Variants in UMAD1 observed in about 807,000 individuals in gnomAD.
The protein encoded by UMAD1 is UBAP1-MVB12-associated (UMA)-domain containing protein 1.
In UMAD1, 8 loss-of-function variants were observed where a neutral mutation model predicts 6.1. The ratio of observed to expected loss-of-function variants is 1.30; its 90% CI spans 0.76 to 2.35. UMAD1 has a LOEUF of 2.35. Ranked by LOEUF, UMAD1 falls within the 30% of genes most tolerant of loss-of-function variation. The probability of loss-of-function intolerance (pLI) is 0.00; values close to 1 mark genes in which losing one functional copy is unlikely to be tolerated. For synonymous variants in UMAD1, 56 were observed against 31.4 expected (o/e 1.78, Z -2.61); for missense variants, 130 against 78.4 (o/e 1.66, Z -2.49).
chr7:7,652,209 G>A (rs147805451), intron 1 of UMAD1, among the ~76,000 whole-genome samples: 1 of 152,134 alleles, frequency 6.6e-6, no homozygotes, highest in Non-Finnish European at 1.5e-5. Flanking sequence ...TACATTGCTC[G>A]TTTGCTCACT....
chr7:7,664,020 A>C (rs184298052), intron 1 of UMAD1, among the ~76,000 whole-genome samples: 121 of 152,324 alleles, frequency 7.9e-4, no homozygotes, highest in Admixed American at 1.7e-3. Flanking sequence ...ACACTTTGCC[A>C]CCTGAAGGCC....
At chr7:7,829,216 G>A (rs145258225) in intron 3 of UMAD1, among the ~76,000 whole-genome samples, 4 of 152,296 alleles carry the variant, frequency 2.6e-5, no homozygotes, top group African/African-American at 9.6e-5. Context: ...TTAGGAAATA[G>A]ATCTTTCCTG....
At chr7:7,720,128 A>C (rs1781013271) in intron 2 of UMAD1, among the ~76,000 whole-genome samples, 1 of 152,244 alleles carries the variant, frequency 6.6e-6, no homozygotes, top group African/African-American at 2.4e-5. Context: ...GTATTATTTC[A>C]AATGTATAGT....
intron 3 of UMAD1, among the ~76,000 whole-genome samples, chr7:7,838,865 A>G (rs754523392): frequency 5.9e-5 from 9 of 152,248 alleles, no homozygotes; most frequent in Non-Finnish European, 5.9e-5. Context: ...ATGAAATTCA[A>G]AACATGCAAA....
At chr7:7,847,100 AAAAAAT>A (rs1783810005) in intron 3 of UMAD1, among the ~76,000 whole-genome samples, 1 of 38,442 alleles carries the variant, frequency 2.6e-5, no homozygotes, top group Non-Finnish European at 4.3e-5. Flanking sequence ...AAAAAAAAAA[AAAAAAT>A]ATATATATAT....
intron 3 of UMAD1, among the ~76,000 whole-genome samples, chr7:7,871,014 C>T (rs1216705185): frequency 6.6e-6 from 1 of 152,208 alleles, no homozygotes; most frequent in Non-Finnish European, 1.5e-5. Flanking sequence ...TCCCACTTAC[C>T]TTCATGTCTG....
intron 2 of UMAD1, among the ~76,000 whole-genome samples, chr7:7,786,785 C>A (rs539117734): frequency 6.6e-6 from 1 of 152,244 alleles, no homozygotes; most frequent in South Asian, 2.1e-4. Context: ...TGCTTTCTCA[C>A]AGAGTGAAGA....
chr7:7,823,839 G>A (rs73359463), intron 3 of UMAD1, among the ~76,000 whole-genome samples: 6,086 of 151,968 alleles, frequency 0.04, 139 homozygotes, highest in African/African-American at 0.065. Context: ...ATATTGATTC[G>A]TAAAGCTAAG....
chr7:7,811,297 C>G (rs1447802782), intron 3 of UMAD1, among the ~76,000 whole-genome samples: 1 of 152,108 alleles, frequency 6.6e-6, no homozygotes, highest in Non-Finnish European at 1.5e-5. Flanking sequence ...TTTCTGATTT[C>G]TTTGGATATG....
intron 2 of UMAD1, among the ~76,000 whole-genome samples, chr7:7,775,938 TAA>T (rs1563196523): frequency 6.6e-6 from 1 of 152,120 alleles, no homozygotes; most frequent in Non-Finnish European, 1.5e-5. Context: ...GATTACAAAG[TAA>T]TACAAGGAAA....
intron 2 of UMAD1, among the ~76,000 whole-genome samples, chr7:7,690,703 A>T (rs1352202896): frequency 6.6e-6 from 1 of 152,094 alleles, no homozygotes; most frequent in Non-Finnish European, 1.5e-5. Flanking sequence ...TGCTAAGGAG[A>T]GAAAGGAAGG....
intron 2 of UMAD1, among the ~76,000 whole-genome samples, chr7:7,698,827 A>G (rs924406141): frequency 6.8e-6 from 1 of 147,112 alleles, no homozygotes; most frequent in African/African-American, 2.5e-5. Flanking sequence ...AGACCATGAC[A>G]TTTCTGGCTG....
At chr7:7,779,446 A>G (rs1782299374) in intron 2 of UMAD1, among the ~76,000 whole-genome samples, 1 of 151,758 alleles carries the variant, frequency 6.6e-6, no homozygotes, top group African/African-American at 2.4e-5. Context: ...ACAACAAAAA[A>G]AGTTTCTACA....
chr7:7,654,828 T>A (rs371854692), intron 1 of UMAD1, among the ~76,000 whole-genome samples: 2 of 150,270 alleles, frequency 1.3e-5, no homozygotes, highest in East Asian at 3.9e-4. Flanking sequence ...CGCTTGAACC[T>A]GGAGGCAGAG....
chr7:7,852,509 A>G (rs73345715), intron 3 of UMAD1, among the ~76,000 whole-genome samples: 3,524 of 151,656 alleles, frequency 0.023, 147 homozygotes, highest in African/African-American at 0.08. Flanking sequence ...GGTTCCCACA[A>G]CCCTCTCTTT....
At chr7:7,852,670 G>T (rs1583873552) in intron 3 of UMAD1, among the ~76,000 whole-genome samples, 1 of 152,166 alleles carries the variant, frequency 6.6e-6, no homozygotes, top group Non-Finnish European at 1.5e-5. Context: ...CAGGAACTCT[G>T]TTCCTGTGGA....
chr7:7,763,298 A>C (rs1449530667), intron 2 of UMAD1, among the ~76,000 whole-genome samples: 4 of 152,140 alleles, frequency 2.6e-5, no homozygotes, highest in Admixed American at 2.6e-4. Flanking sequence ...CAAGGGGTGC[A>C]TGCGCAAGTT....
At chr7:7,704,476 C>T (rs1583755924) in intron 2 of UMAD1, among the ~76,000 whole-genome samples, 2 of 151,696 alleles carry the variant, frequency 1.3e-5, no homozygotes, top group Middle Eastern at 3.4e-3. Context: ...TGCTTCTGGG[C>T]CGGGCGCGGT....
Position 7,696,843 on chromosome 7 carries a change from T to C in UMAD1, c.82+23390T>C, listed in dbSNP as rs141682546. 2.7e-3 allele frequency among the ~76,000 whole-genome samples: 412 copies of C among 152,126 alleles called. 1 individual carries two copies. Among genetic ancestry groups the C allele is most frequent in the African/African-American group, 9.1e-3 (379 of 41,532 alleles). On this transcript the variant is annotated intron_variant, in intron 2 of 3. Transcript: ENST00000682710. Reference sequence around the variant, plus strand: ...TTCTCTCTTTTTCTTTCTTCTTCTTTTTTTTTTTAAAGGCTGCCCTTTTCA... The same window carrying C: ...TTCTCTCTTTTTCTTTCTTCTTCTTCTTTTTTTTAAAGGCTGCCCTTTTCA...
Sources: allele counts gnomAD v4.1 joint callset (sites outside exome capture counted in the v4.1 genomes callset), GRCh38; gene constraint gnomAD v4.1.1; transcripts MANE v1.5; gene names NCBI Gene and HGNC (gene_info 2026-07-23, HGNC 2026-07-21).